The following CHST11 variants were observed in gnomAD, a reference collection of about 807,000 sequenced individuals.
The protein encoded by CHST11 is C4S-1.
In CHST11, 9 loss-of-function variants were observed where a neutral mutation model predicts 30.4. The observed-to-expected ratio is 0.30, with a 90% CI of 0.18 to 0.52. The LOEUF is 0.52. Ranked by LOEUF, CHST11 falls within the 20% of genes least tolerant of loss-of-function variation. The pLI, the probability that CHST11 is intolerant of heterozygous loss-of-function variation, is 0.97. For missense variants in CHST11, 348 were observed against 460.6 expected, an observed-to-expected ratio of 0.76 and a Z score of 2.24; for synonymous variants, 152 against 187.8, an observed-to-expected ratio of 0.81 and a Z score of 1.56.
chr12:104,575,793 C>A (rs2038678598), intron 1 of CHST11, among the ~76,000 whole-genome samples: 1 of 152,036 alleles, frequency 6.6e-6, no homozygotes. Context: ...GTCAGAAGGG[C>A]CCGTCCTGCC....
intron 2 of CHST11, among the ~76,000 whole-genome samples, chr12:104,619,799 A>G (rs1339880095): frequency 6.6e-6 from 1 of 152,238 alleles, no homozygotes; most frequent in African/African-American, 2.4e-5. Flanking sequence ...CACCAAGGGT[A>G]AAGAATTAAA....
rs140486952 is a variant in CHST11 at position 104,761,464 on chromosome 12, T to TACACACACACACACACACACACAC, written c.*3675_*3698dup. 11 of 142,930 alleles carry TACACACACACACACACACACACAC rather than the reference T, an allele frequency of 7.7e-5. No homozygotes were observed. Among genetic ancestry groups the TACACACACACACACACACACACAC allele is most frequent in the African/African-American group, 3.0e-4 (11 of 36,730 alleles). The allele number at this position is 142,930 out of a possible 1,614,324, so 8.9% of individuals were successfully genotyped here. Reference sequence around the variant, plus strand: ...CTTGCTTTCCTAGCCAGTCCTCCCCTACACACACACACACACACACACACA... The same window carrying TACACACACACACACACACACACAC: ...CTTGCTTTCCTAGCCAGTCCTCCCCTACACACACACACACACACACACACACACACACACACACACACACACACA... On this transcript the variant is annotated 3_prime_UTR_variant, in exon 3 of 3. Transcript: ENST00000303694.
In CHST11 at chr12:104,760,547, T is replaced by C. The variant is rs1292292464; in HGVS notation, c.*2744T>C. The C allele has an allele frequency of 6.6e-6, 1 of 152,264 alleles. No individual in the cohort carries two copies. Among genetic ancestry groups the C allele is most frequent in the Non-Finnish European group, 1.5e-5 (1 of 68,074 alleles). 9.4% of individuals were successfully genotyped at this position (152,264 alleles called of 1,614,324 possible). A position where few individuals can be genotyped will look rare whatever the true frequency, so the allele number is the denominator to read the frequency against. Reference sequence around the variant, plus strand: ...TCTTCAGTTTCATAGTTTGGAATCGTTCACTGTGTGCTTTTTGGGGGGTTT... The same window carrying C: ...TCTTCAGTTTCATAGTTTGGAATCGCTCACTGTGTGCTTTTTGGGGGGTTT... On this transcript the variant is annotated 3_prime_UTR_variant, in exon 3 of 3. Coordinates refer to ENST00000303694, the MANE Select transcript of CHST11 (RefSeq NM_018413.6).
At chr12:104,708,383 C>G (rs2040055384) in intron 2 of CHST11, among the ~76,000 whole-genome samples, 1 of 152,168 alleles carries the variant, frequency 6.6e-6, no homozygotes, top group Non-Finnish European at 1.5e-5. Context: ...GCCAGCTTTC[C>G]CTGCAGGTGT....
intron 1 of CHST11, among the ~76,000 whole-genome samples, chr12:104,568,351 C>G (rs2038589325): frequency 6.6e-6 from 1 of 152,224 alleles, no homozygotes; most frequent in South Asian, 2.1e-4. Context: ...GTCCTTGCAA[C>G]AGCTCCTCTG....
intron 1 of CHST11, among the ~76,000 whole-genome samples, chr12:104,512,162 A>G (rs1036993813): frequency 6.6e-5 from 10 of 152,212 alleles, no homozygotes; most frequent in African/African-American, 2.4e-4. Flanking sequence ...ACTATTAATA[A>G]TTATTAAGAT....
chr12:104,630,857 T>TTG (rs1330806192), intron 2 of CHST11, among the ~76,000 whole-genome samples: 1 of 152,222 alleles, frequency 6.6e-6, no homozygotes. Flanking sequence ...TCCTGGCAAC[T>TTG]TGTGTCAGCA....
intron 1 of CHST11, among the ~76,000 whole-genome samples, chr12:104,492,046 C>T (rs530967174): frequency 1.3e-5 from 2 of 152,172 alleles, no homozygotes. Context: ...TCCTTGGAGA[C>T]ACCTCTTCTG....
intron 2 of CHST11, among the ~76,000 whole-genome samples, chr12:104,665,956 A>G: frequency 6.6e-6 from 1 of 150,450 alleles, no homozygotes; most frequent in Non-Finnish European, 1.5e-5. Flanking sequence ...AGTAGCTGGG[A>G]TTACAGGTGC....
At chr12:104,601,722 T>G (rs1030087155) in intron 1 of CHST11, among the ~76,000 whole-genome samples, 184 bp from the exon 2 acceptor site, 1 of 152,246 alleles carries the variant, frequency 6.6e-6, no homozygotes, top group Non-Finnish European at 1.5e-5. Flanking sequence ...GATGCCTGAA[T>G]GTTGGGAAGA....
At chr12:104,550,012 C>T (rs1394088218) in intron 1 of CHST11, among the ~76,000 whole-genome samples, 2 of 152,224 alleles carry the variant, frequency 1.3e-5, no homozygotes, top group Non-Finnish European at 2.9e-5. Context: ...AGAGGCCACT[C>T]ATTATTTCTC....
Position 104,756,946 on chromosome 12 carries a change from C to A in CHST11, c.205-3C>A, listed in dbSNP as rs376313730. The A allele has an allele frequency of 1.5e-5, 24 of 1,608,202 alleles. No homozygotes were observed. The highest frequency in any genetic ancestry group is 2.0e-5 in the Non-Finnish European group (23 of 1,176,758). ...TCTTATTCGTCTTGTGTCTCCTCTGCAGCTGGAGCTCTCAAACACTGCTGT... is the reference window on the plus strand; with the variant it reads ...TCTTATTCGTCTTGTGTCTCCTCTGAAGCTGGAGCTCTCAAACACTGCTGT... On this transcript the variant is annotated splice_polypyrimidine_tract_variant and splice_region_variant and intron_variant, in intron 2 of 2. Coordinates refer to ENST00000303694, the MANE Select transcript of CHST11 (RefSeq NM_018413.6).
At chr12:104,751,791 A>G (rs1299102682) in intron 2 of CHST11, among the ~76,000 whole-genome samples, 1 of 152,252 alleles carries the variant, frequency 6.6e-6, no homozygotes, top group African/African-American at 2.4e-5. Context: ...TTGCAAATAG[A>G]GGAACTGAGA....
chr12:104,617,352 C>G (rs2039118441), intron 2 of CHST11, among the ~76,000 whole-genome samples: 1 of 152,152 alleles, frequency 6.6e-6, no homozygotes, highest in Non-Finnish European at 1.5e-5. Flanking sequence ...GCAACCTAGG[C>G]TCTCCATGCC....
At chr12:104,495,093 G>C (rs912395377) in intron 1 of CHST11, among the ~76,000 whole-genome samples, 2 of 152,074 alleles carry the variant, frequency 1.3e-5, no homozygotes, top group African/African-American at 4.8e-5. Flanking sequence ...TTTGGGACTG[G>C]GTTATTTTGC....
chr12:104,727,045 T>C (rs1454302659), intron 2 of CHST11, among the ~76,000 whole-genome samples: 1 of 152,200 alleles, frequency 6.6e-6, no homozygotes, highest in Non-Finnish European at 1.5e-5. Flanking sequence ...AGTGTAATTG[T>C]GGATAAGTGG....
intron 2 of CHST11, among the ~76,000 whole-genome samples, chr12:104,670,223 C>T (rs918325346): frequency 2.0e-5 from 3 of 152,192 alleles, no homozygotes; most frequent in African/African-American, 7.2e-5. Context: ...GCCTTGTGGT[C>T]TCCCAACTTC....
chr12:104,533,872 T>C (rs1289297471), intron 1 of CHST11, among the ~76,000 whole-genome samples: 1 of 152,234 alleles, frequency 6.6e-6, no homozygotes, highest in African/African-American at 2.4e-5. Flanking sequence ...TTTTTGGCTG[T>C]AGCTCATGTC....
At chr12:104,550,801 G>C (rs1161576811) in intron 1 of CHST11, among the ~76,000 whole-genome samples, 1 of 152,218 alleles carries the variant, frequency 6.6e-6, no homozygotes, top group Admixed American at 6.5e-5. Context: ...AGGGGTAAAA[G>C]AGGAAGAAGA....
Sources: gnomAD v4.1 joint callset for allele counts (sites outside exome capture counted in the v4.1 genomes callset) on GRCh38, gnomAD v4.1.1 for gene constraint, MANE v1.5 for transcripts, NCBI Gene and HGNC (gene_info 2026-07-23, HGNC 2026-07-21) for gene names.